Variants in IL2RB observed in about 807,000 individuals in gnomAD.
IL2RB encodes interleukin-2 receptor subunit beta.
IL2RB carries 17 observed loss-of-function variants against 44.2 expected under a neutral mutation model. The observed-to-expected ratio is 0.38, with a 90% CI of 0.26 to 0.58. The LOEUF is 0.58. IL2RB is among the 20% of genes least tolerant of loss of function. The probability of loss-of-function intolerance (pLI) is 0.63; values close to 1 mark genes in which losing one functional copy is unlikely to be tolerated. For missense variants in IL2RB, 624 were observed against 685.5 expected (o/e 0.91, Z 1.00); for synonymous variants, 286 against 297.9 (o/e 0.96, Z 0.41).
At chr22:37,158,254 G>C (rs948075707) in intron 1 of IL2RB, among the ~76,000 whole-genome samples, 1 of 152,176 alleles carries the variant, frequency 6.6e-6, no homozygotes, top group Non-Finnish European at 1.5e-5. Flanking sequence ...GCTATGCCAA[G>C]ATAGGAAGGG....
intron 1 of IL2RB, among the ~76,000 whole-genome samples, chr22:37,148,353 C>T (rs1922327976): frequency 6.6e-6 from 1 of 152,114 alleles, no homozygotes; most frequent in Non-Finnish European, 1.5e-5. Flanking sequence ...TAAGGTTGCA[C>T]GGTGAGGAGA....
At chr22:37,173,898 C>T (rs1923367383) in intron 1 of IL2RB, among the ~76,000 whole-genome samples, 1 of 152,226 alleles carries the variant, frequency 6.6e-6, no homozygotes, top group Non-Finnish European at 1.5e-5. Flanking sequence ...CCTCTCACAT[C>T]TGGGAAGATT....
chr22:37,132,237 T>A (rs1445132772), intron 9 of IL2RB, 147 bp downstream of exon 9: 8 of 601,550 alleles, frequency 1.3e-5, no homozygotes, highest in Non-Finnish European at 3.0e-6. Context: ...GTGCCAGAGC[T>A]GGAGAAGAGA....
intron 1 of IL2RB, among the ~76,000 whole-genome samples, chr22:37,157,549 G>C (rs1922722711): frequency 6.6e-6 from 1 of 152,174 alleles, no homozygotes; most frequent in African/African-American, 2.4e-5. Flanking sequence ...GTCCCACTGT[G>C]CCTGGGACTG....
At position 37,128,733 on chromosome 22, in the gene IL2RB, T is replaced by C; in HGVS notation, c.1019A>G (p.Gln340Arg). The change falls in exon 10 of 10, where the codon CAG (glutamine) becomes CGG (arginine). Residue 340 changes from glutamine to arginine, a missense_variant. Physicochemically the swap from Gln to Arg is conservative, Grantham distance 43. This residue lies in a region of IL2RB where 291 missense variants were observed against 275.5 expected (regional missense o/e 1.06). Transcript: ENST00000216223. This position sits in a 1 kb window ranked among gnomAD's most constrained non-coding sequence, Gnocchi z 4.5. ...RDKVTQLLLQ[Q>R]DKVPEPASLS... ...GGATGCGGGCTCAGGCACCTTGTCCTGCTGCAGGAGCAGCTGCGTCACCTT... is the reference window on the plus strand; with the variant it reads ...GGATGCGGGCTCAGGCACCTTGTCCCGCTGCAGGAGCAGCTGCGTCACCTT... 1 of 1,614,152 alleles carries C rather than the reference T, an allele frequency of 6.2e-7. No homozygotes were observed. The highest frequency in any genetic ancestry group is 8.5e-7 in the Non-Finnish European group (1 of 1,179,990).
chr22:37,142,014 C>A (rs1921991477), intron 4 of IL2RB, among the ~76,000 whole-genome samples: 1 of 152,074 alleles, frequency 6.6e-6, no homozygotes. Flanking sequence ...AGCTGGTGAG[C>A]CAGGGCTGGA....
In IL2RB at chr22:37,132,486, G is replaced by T; in HGVS notation, c.819-18C>A. ...TCTTCAGCCTGGACAGAGGAGAGGA[G>T]GGAAGGAGGAGGGTGAGAAAGGGAA... On this transcript the variant is annotated intron_variant, in intron 8 of 9. Transcript: ENST00000216223. 1 of 1,602,110 alleles carries T rather than the reference G, an allele frequency of 6.2e-7. No homozygotes were observed. The highest frequency in any genetic ancestry group is 8.6e-7 in the Non-Finnish European group (1 of 1,169,578).
chr22:37,145,504 C>A (rs1382364707), intron 1 of IL2RB, among the ~76,000 whole-genome samples: 2 of 152,036 alleles, frequency 1.3e-5, no homozygotes, highest in African/African-American at 4.8e-5. Flanking sequence ...GAGGCAAGAC[C>A]ACAACTGTCG....
At chr22:37,142,406 G>GCACT in intron 4 of IL2RB, 28 bp downstream of exon 4, 1 of 1,603,102 alleles carries the variant, frequency 6.2e-7, no homozygotes, top group Non-Finnish European at 8.5e-7. Context: ...CCCTCTCCCT[G>GCACT]CACTCTCTCC....
intron 1 of IL2RB, among the ~76,000 whole-genome samples, chr22:37,158,701 G>A (rs527573859): frequency 2.6e-4 from 40 of 152,214 alleles, no homozygotes; most frequent in Non-Finnish European, 5.1e-4. Context: ...CCCTGTGTTC[G>A]AAGGCATGAG....
chr22:37,143,884 CGT>C lies in IL2RB; in HGVS notation c.88+199_88+200del, dbSNP rs55819516. On this transcript the variant is annotated intron_variant, in intron 2 of 9. Coordinates refer to ENST00000216223, the MANE Select transcript of IL2RB (RefSeq NM_000878.5). ...AGCACAAGCCTGTGGCTTGGAGAGG[CGT>C]GTGTGTGTGTGTGTGTGTGTGTGTG... 7.9e-3 allele frequency among the ~76,000 whole-genome samples: 1,107 copies of C among 139,714 alleles called. 19 individuals carry two copies. Among genetic ancestry groups the C allele is most frequent in the South Asian group, 0.032 (143 of 4,464 alleles). 91.7% of individuals were successfully genotyped at this position (139,714 alleles called of 152,430 possible).
intron 3 of IL2RB, 122 bp from the exon 4 acceptor site, chr22:37,142,634 C>G: frequency 1.1e-6 from 1 of 898,918 alleles, no homozygotes; most frequent in Non-Finnish European, 1.8e-6. Context: ...GGCTGGGGCC[C>G]CTGTGCCAAC....
intron 1 of IL2RB, among the ~76,000 whole-genome samples, chr22:37,147,128 C>G (rs531657537): frequency 3.9e-5 from 6 of 152,338 alleles, no homozygotes; most frequent in South Asian, 4.1e-4. Context: ...TCTGCCACCC[C>G]CTTAGTCACA....
At chr22:37,164,703 C>T (rs1446676947) in intron 1 of IL2RB, among the ~76,000 whole-genome samples, 1 of 152,112 alleles carries the variant, frequency 6.6e-6, no homozygotes, top group African/African-American at 2.4e-5. Context: ...CAGCCCACCT[C>T]AGAGACACCA....
intron 1 of IL2RB, among the ~76,000 whole-genome samples, chr22:37,147,416 G>T (rs1922278003): frequency 6.6e-6 from 1 of 152,226 alleles, no homozygotes; most frequent in Non-Finnish European, 1.5e-5. Context: ...TCACACGACA[G>T]TAAATATGCA....
At chr22:37,156,883 C>T (rs1236078425) in intron 1 of IL2RB, among the ~76,000 whole-genome samples, 2 of 152,222 alleles carry the variant, frequency 1.3e-5, no homozygotes, top group Non-Finnish European at 2.9e-5. Flanking sequence ...CCAGCTGACA[C>T]TGTCACCCAC....
chr22:37,167,866 A>C (rs1480700587), intron 1 of IL2RB, among the ~76,000 whole-genome samples: 1 of 152,212 alleles, frequency 6.6e-6, no homozygotes, highest in Non-Finnish European at 1.5e-5. Flanking sequence ...CATTTATTGA[A>C]AGATGGGAAG....
At chr22:37,143,360 C>T (rs935592180) in intron 3 of IL2RB, among the ~76,000 whole-genome samples, 161 bp downstream of exon 3, 1 of 152,174 alleles carries the variant, frequency 6.6e-6, no homozygotes, top group African/African-American at 2.4e-5. Context: ...TAAACGATCC[C>T]TTGATTCCAG....
Position 37,128,874 on chromosome 22 carries a change from G to T in IL2RB, c.904-26C>A. 6.4e-7 allele frequency: 1 copy of T among 1,571,086 alleles called. No individual in the cohort carries two copies. Among genetic ancestry groups the T allele is most frequent in the Non-Finnish European group, 8.7e-7 (1 of 1,155,340 alleles). On this transcript the variant is annotated intron_variant, in intron 9 of 9. Coordinates refer to ENST00000216223, the MANE Select transcript of IL2RB (RefSeq NM_000878.5). The surrounding 1 kb of genome is among the most constrained non-coding windows in gnomAD (Gnocchi z 4.5). ...CTGGTGGGAGAAAGGCCAGGGGTGG[G>T]TGAGTGGGGGCTTCCTTCACCCTCC...
Sources: allele counts gnomAD v4.1 joint callset (sites outside exome capture counted in the v4.1 genomes callset), GRCh38; gene constraint gnomAD v4.1.1; regional missense constraint gnomAD v4.1.1; non-coding constraint Gnocchi (gnomAD v3.1); transcripts MANE v1.5; gene names NCBI Gene and HGNC (gene_info 2026-07-23, HGNC 2026-07-21).